CNTN4: variants seen among roughly 807,000 people sequenced by gnomAD.
CNTN4 encodes the protein contactin-4.
Under a neutral mutation model 122.5 loss-of-function variants are expected in CNTN4, and 77 were observed. The observed-to-expected ratio is 0.63, with a 90% CI of 0.52 to 0.76. CNTN4 has a LOEUF of 0.76. Ranked by LOEUF, CNTN4 falls within the 30% of genes least tolerant of loss-of-function variation. The pLI, the probability that CNTN4 is intolerant of heterozygous loss-of-function variation, is 0.00. For missense variants in CNTN4, 1,256 were observed against 1,259.1 expected (o/e 1.00, Z 0.04); for synonymous variants, 512 against 447.0 (o/e 1.15, Z -1.83).
chr3:2,297,001 A>G (rs1368118975), intron 2 of CNTN4, among the ~76,000 whole-genome samples: 1 of 152,176 alleles, frequency 6.6e-6, no homozygotes, highest in East Asian at 1.9e-4. Flanking sequence ...ACAATTTCAA[A>G]AAGTCTTTCT....
intron 5 of CNTN4, among the ~76,000 whole-genome samples, chr3:2,745,196 A>G (rs1422957923): frequency 2.6e-5 from 4 of 152,232 alleles, no homozygotes; most frequent in Non-Finnish European, 5.9e-5. Context: ...GCCCCATTTG[A>G]AGAAAGCTGC....
intron 3 of CNTN4, among the ~76,000 whole-genome samples, chr3:2,489,776 C>CT (rs2076262385): frequency 6.6e-6 from 1 of 152,168 alleles, no homozygotes; most frequent in South Asian, 2.1e-4. Context: ...GGAATTTAGT[C>CT]TTTTTCTTCT....
At chr3:2,683,996 G>C (rs146207446) in intron 4 of CNTN4, among the ~76,000 whole-genome samples, 1 of 152,102 alleles carries the variant, frequency 6.6e-6, no homozygotes, top group Non-Finnish European at 1.5e-5. Flanking sequence ...TTTACCTATC[G>C]TTTAAAGAAT....
chr3:2,778,631 T>C (rs1310350016), intron 6 of CNTN4, among the ~76,000 whole-genome samples: 1 of 152,232 alleles, frequency 6.6e-6, no homozygotes, highest in Non-Finnish European at 1.5e-5. Context: ...ATTATAGTGA[T>C]GAACTCCTTT....
At chr3:2,824,287 C>A (rs2092939504) in intron 7 of CNTN4, among the ~76,000 whole-genome samples, 2 of 151,768 alleles carry the variant, frequency 1.3e-5, no homozygotes, top group Non-Finnish European at 2.9e-5. Context: ...CATAGAGAAA[C>A]CCCGTCTCTG....
intron 3 of CNTN4, among the ~76,000 whole-genome samples, chr3:2,525,453 A>C (rs1460715013): frequency 6.6e-6 from 1 of 152,174 alleles, no homozygotes; most frequent in Non-Finnish European, 1.5e-5. Flanking sequence ...TTTAAAGTCC[A>C]TATATATCTG....
intron 3 of CNTN4, among the ~76,000 whole-genome samples, chr3:2,530,716 T>G (rs2077567531): frequency 6.6e-6 from 1 of 152,180 alleles, no homozygotes; most frequent in African/African-American, 2.4e-5. Flanking sequence ...GCATTTTCCT[T>G]TTATTATTTA....
At chr3:2,435,246 G>T (rs1218611247) in intron 3 of CNTN4, among the ~76,000 whole-genome samples, 1 of 152,042 alleles carries the variant, frequency 6.6e-6, no homozygotes, top group Non-Finnish European at 1.5e-5. Context: ...ATTGCTTCCA[G>T]GACCTCCCTT....
At chr3:2,700,653 C>CAA (rs5846211) in intron 4 of CNTN4, among the ~76,000 whole-genome samples, 4,329 of 148,158 alleles carry the variant, frequency 0.029, 111 homozygotes, top group African/African-American at 0.072. Context: ...ATTCCCCTGG[C>CAA]AAAAAAAAAA....
At chr3:2,888,648 TC>T (rs2094004640) in intron 10 of CNTN4, among the ~76,000 whole-genome samples, 1 of 152,062 alleles carries the variant, frequency 6.6e-6, no homozygotes, top group South Asian at 2.1e-4. Context: ...ATATGTATAT[TC>T]ATATTTATAT....
intron 6 of CNTN4, among the ~76,000 whole-genome samples, chr3:2,752,769 C>A (rs1027443543): frequency 3.3e-5 from 5 of 152,146 alleles, no homozygotes; most frequent in Non-Finnish European, 2.9e-5. Flanking sequence ...TTCTTCCTCC[C>A]TTCCCCACCT....
chr3:2,365,109 A>T (rs140461414), intron 3 of CNTN4, among the ~76,000 whole-genome samples: 1 of 151,620 alleles, frequency 6.6e-6, no homozygotes, highest in African/African-American at 2.4e-5. Flanking sequence ...TTTTTTTTTT[A>T]TGATGACAGA....
At chr3:2,893,457 G>C (rs1306294303) in intron 10 of CNTN4, among the ~76,000 whole-genome samples, 2 of 152,190 alleles carry the variant, frequency 1.3e-5, no homozygotes, top group African/African-American at 4.8e-5. Context: ...AATTGTCCTA[G>C]ACAGAACTGA....
chr3:2,186,647 AT>A (rs1474309164), intron 2 of CNTN4, among the ~76,000 whole-genome samples: 1 of 151,988 alleles, frequency 6.6e-6, no homozygotes, highest in African/African-American at 2.4e-5. Context: ...ATGGTATCTC[AT>A]TGTGGTTTTG....
intron 10 of CNTN4, among the ~76,000 whole-genome samples, chr3:2,888,760 C>T (rs76612976): frequency 0.12 from 17,464 of 151,740 alleles, 1,348 homozygotes; most frequent in Admixed American, 0.2. Flanking sequence ...ATGTATATTT[C>T]ATACACAGAA....
At chr3:2,592,815 A>G (rs1263943056) in intron 4 of CNTN4, among the ~76,000 whole-genome samples, 1 of 152,230 alleles carries the variant, frequency 6.6e-6, no homozygotes, top group African/African-American at 2.4e-5. Context: ...GTTGGTAACA[A>G]ATAAACCATT....
chr3:2,645,063 C>G (rs2083059821), intron 4 of CNTN4, among the ~76,000 whole-genome samples: 1 of 151,886 alleles, frequency 6.6e-6, no homozygotes, highest in South Asian at 2.1e-4. Context: ...GATTGGAGAG[C>G]TACAGCCAAA....
chr3:2,130,520 A>G (rs1209381783), intron 2 of CNTN4, among the ~76,000 whole-genome samples: 1 of 152,194 alleles, frequency 6.6e-6, no homozygotes, highest in Admixed American at 6.5e-5. Flanking sequence ...TTCTAATTAC[A>G]TGCCTTAACT....
chr3:2,131,310 C>T (rs2034440404), intron 2 of CNTN4, among the ~76,000 whole-genome samples: 1 of 152,202 alleles, frequency 6.6e-6, no homozygotes, highest in East Asian at 1.9e-4. Flanking sequence ...TATTCAGTGT[C>T]TCTGATTTGC....
Sources: allele counts gnomAD v4.1 joint callset (sites outside exome capture counted in the v4.1 genomes callset), GRCh38; gene constraint gnomAD v4.1.1; transcripts MANE v1.5; gene names NCBI Gene and HGNC (gene_info 2026-07-23, HGNC 2026-07-21).